KCNC4: variants seen among roughly 807,000 people sequenced by gnomAD.
KCNC4 encodes potassium voltage-gated channel subfamily C member 4, also known as voltage-gated potassium channel KCNC4.
Under a neutral mutation model 42.8 loss-of-function variants are expected in KCNC4, and 23 were observed. The observed-to-expected ratio is 0.54, with a 90% CI of 0.39 to 0.76. KCNC4 has a LOEUF of 0.76. KCNC4 is among the 30% of genes least tolerant of loss of function. KCNC4 has a pLI of 0.00. For missense variants in KCNC4, 751 were observed against 898.2 expected, an observed-to-expected ratio of 0.84 and a Z score of 2.10; for synonymous variants, 422 against 393.5, an observed-to-expected ratio of 1.07 and a Z score of -0.86.
intron 1 of KCNC4, among the ~76,000 whole-genome samples, chr1:110,262,666 C>G (rs867620956): frequency 1.3e-5 from 2 of 152,224 alleles, no homozygotes; most frequent in Non-Finnish European, 2.9e-5. Context: ...CTCACTGTCT[C>G]TATCAACCTT....
At chr1:110,230,369 C>T (rs980644263) in intron 3 of KCNC4, among the ~76,000 whole-genome samples, 2 of 152,270 alleles carry the variant, frequency 1.3e-5, no homozygotes, top group Non-Finnish European at 2.9e-5. Flanking sequence ...GAGGGCCCCT[C>T]CCCCAACAGC....
In KCNC4 at chr1:110,211,507, G is replaced by C. The variant is rs1166714383; in HGVS notation, c.8G>C (p.Ser3Thr). The change falls in exon 1 of 4, where the codon AGC (serine) becomes ACC (threonine). Residue 3 changes from serine to threonine, a missense_variant. Transcript: ENST00000438661. This position sits in a 1 kb window ranked among gnomAD's most constrained non-coding sequence, Gnocchi z 6.5. ...AGCCCCGCAGCGCTTCTTATGATCA[G>C]CTCGGTGTGTGTCTCCTCCTACCGC... Reference protein sequence around the residue: MISSVCVSSYRGR... With the variant: MITSVCVSSYRGR... 1.9e-6 allele frequency: 3 copies of C among 1,613,532 alleles called. No individual in the cohort carries two copies. The highest frequency in any genetic ancestry group is 1.1e-5 in the South Asian group (1 of 91,044).
intron 1 of KCNC4, among the ~76,000 whole-genome samples, chr1:110,265,353 T>TAAATAAAATA (rs58863489): frequency 9.9e-5 from 12 of 121,536 alleles, no homozygotes; most frequent in Non-Finnish European, 1.4e-4. Flanking sequence ...AAATAAAACA[T>TAAATAAAATA]AAATAAAATA....
At position 110,241,092 on chromosome 1, in the gene KCNC4, T is replaced by C. The variant is rs1659023763; in HGVS notation, c.*8783T>C. The C allele has an allele frequency of 3.9e-5, 6 of 152,460 alleles. 1 individual carries two copies. In the South Asian group the frequency reaches 1.2e-3, roughly 32 times the overall value. The allele number at this position is 152,460 out of a possible 1,614,324, so 9.4% of individuals were successfully genotyped here. A position where few individuals can be genotyped will look rare whatever the true frequency, so the allele number is the denominator to read the frequency against. ...CAGGGAGGTAAGAAGGCTCCAGTGA[T>C]ACCAGGCTCCCTCTGGGCCTCGGTG... is the stretch of plus-strand genomic sequence containing the variant. On this transcript the variant is annotated 3_prime_UTR_variant, in exon 4 of 4. Transcript: ENST00000369787.
chr1:110,257,271 C>A (rs11102072), intron 1 of KCNC4, among the ~76,000 whole-genome samples: 44,673 of 152,042 alleles, frequency 0.29, 6,940 homozygotes, highest in Non-Finnish European at 0.34. Context: ...TTGTACAGGC[C>A]ACTGATGTGA....
chr1:110,226,282 G>A (rs148302845), intron 3 of KCNC4, 104 bp downstream of exon 3: 22 of 918,294 alleles, frequency 2.4e-5, no homozygotes, highest in Middle Eastern at 2.1e-4. Context: ...GACCGTGGCC[G>A]CCATCTCCTC....
At chr1:110,281,807 C>T (rs1261183392) in intron 1 of KCNC4, among the ~76,000 whole-genome samples, 2 of 152,218 alleles carry the variant, frequency 1.3e-5, no homozygotes. Context: ...TGGCTTCAAT[C>T]TCATGGATGA....
chr1:110,232,518 A>G (rs1658748062), intron 3 of KCNC4: 4 of 1,436,276 alleles, frequency 2.8e-6, no homozygotes, highest in Admixed American at 5.6e-5. Context: ...CTGCAGAGCT[A>G]TGGTCCCTTT....
chr1:110,221,827 G>T (rs796338318), intron 1 of KCNC4: 25 of 152,392 alleles, frequency 1.6e-4, no homozygotes, highest in African/African-American at 6.0e-4. Context: ...GCGGCAGCAG[G>T]AGGCATGAGA....
At chr1:110,250,227 C>G (rs1056370454), downstream of KCNC4, among the ~76,000 whole-genome samples, 1 of 152,066 alleles carries the variant, frequency 6.6e-6, no homozygotes, top group Non-Finnish European at 1.5e-5. Flanking sequence ...TAGCTCAACG[C>G]TCTTCTCCAG....
intron 1 of KCNC4, among the ~76,000 whole-genome samples, chr1:110,263,776 C>A (rs565536539): frequency 1.4e-5 from 2 of 143,250 alleles, no homozygotes; most frequent in South Asian, 4.6e-4. Context: ...GGAAGGCAAC[C>A]AGCCTTCCTC....
At chr1:110,261,582 C>T (rs931466116) in intron 1 of KCNC4, among the ~76,000 whole-genome samples, 18 of 139,564 alleles carry the variant, frequency 1.3e-4, no homozygotes, top group African/African-American at 4.3e-4. Context: ...CTAATAAAAA[C>T]GCTTTATAGA....
At chr1:110,275,138 C>T (rs1256872162) in intron 1 of KCNC4, among the ~76,000 whole-genome samples, 1 of 151,906 alleles carries the variant, frequency 6.6e-6, no homozygotes, top group Non-Finnish European at 1.5e-5. Flanking sequence ...CCAGAATTTA[C>T]AAGGAACTCA....
chr1:110,267,859 G>C (rs1659569474), intron 1 of KCNC4, among the ~76,000 whole-genome samples: 1 of 152,176 alleles, frequency 6.6e-6, no homozygotes, highest in Admixed American at 6.5e-5. Context: ...GTTAAACTTT[G>C]AGGCCAGAAA....
downstream of KCNC4, chr1:110,238,596 A>T (rs1472675330): frequency 6.6e-6 from 1 of 151,630 alleles, no homozygotes; most frequent in African/African-American, 2.4e-5. Context: ...CCAAACAGAC[A>T]CTCCCTTCCC....
At chr1:110,261,938 CT>C (rs1403387045) in intron 1 of KCNC4, among the ~76,000 whole-genome samples, 1 of 152,148 alleles carries the variant, frequency 6.6e-6, no homozygotes, top group Admixed American at 6.5e-5. Flanking sequence ...GCTTTATTAT[CT>C]TTTAAAAATT....
chr1:110,256,114 C>G (rs1490324172), intron 1 of KCNC4, among the ~76,000 whole-genome samples: 1 of 152,302 alleles, frequency 6.6e-6, no homozygotes, highest in Non-Finnish European at 1.5e-5. Context: ...CTGTACAGGA[C>G]CATCTTATCC....
rs1268696799 is a variant in KCNC4, at chr1:110,210,583, G to C, written c.-917G>C. Among the ~76,000 whole-genome samples, 1 of 151,544 alleles carries C rather than the reference G, an allele frequency of 6.6e-6. No individual in the cohort carries two copies. On this transcript the variant is annotated 5_prime_UTR_variant, in exon 1 of 4. Transcript: ENST00000438661. ...GGGAAGCCTGCAGGTGTCCTTGGCC[G>C]CTCGGCCGCCGCCCCCGGTACACCT...
Position 110,254,903 on chromosome 1 carries a change from G to T in KCNC4, n.31-27631G>T, listed in dbSNP as rs141891770. 2.7e-4 allele frequency among the ~76,000 whole-genome samples: 41 copies of T among 152,308 alleles called. No homozygotes were observed. In the East Asian group the frequency reaches 7.5e-3, roughly 28 times the overall value. Reference sequence around the variant, plus strand: ...CAGCAGTTGTAGCAATGCCATTCCAGTCCATTCCATTCCATTCAATTCCGT... The same window carrying T: ...CAGCAGTTGTAGCAATGCCATTCCATTCCATTCCATTCCATTCAATTCCGT... On this transcript the variant is annotated intron_variant and non_coding_transcript_variant, in intron 1 of 2. Coordinates refer to the KCNC4 transcript ENST00000412512.
Sources: allele counts gnomAD v4.1 joint callset (sites outside exome capture counted in the v4.1 genomes callset), GRCh38; gene constraint gnomAD v4.1.1; non-coding constraint Gnocchi (gnomAD v3.1); transcripts MANE v1.5; gene names NCBI Gene and HGNC (gene_info 2026-07-23, HGNC 2026-07-21).